PRDM4: variants seen among roughly 807,000 people sequenced by gnomAD.
The protein encoded by PRDM4 is PR domain zinc finger protein 4.
A neutral mutation model predicts 62.3 loss-of-function variants in PRDM4; 38 were observed. That is an observed-to-expected ratio of 0.61 (90% confidence interval 0.47 to 0.80). PRDM4 has a LOEUF of 0.80. Among genes scored for constraint, PRDM4 ranks in the 30% least tolerant of loss-of-function variants. The pLI, the probability that PRDM4 is intolerant of heterozygous loss-of-function variation, is 0.00. For missense variants in PRDM4, 858 were observed against 997.1 expected (o/e 0.86, Z 1.88); for synonymous variants, 339 against 348.2 (o/e 0.97, Z 0.30).
At position 107,748,888 on chromosome 12, in the gene PRDM4, T is replaced by C. The variant is rs180875244; in HGVS notation, c.1127-2464A>G. Among the ~76,000 whole-genome samples the C allele has an allele frequency of 4.4e-3, 668 of 152,236 alleles. 4 individuals carry two copies. The highest frequency in any genetic ancestry group is 6.9e-3 in the Non-Finnish European group (467 of 68,016). On this transcript the variant is annotated intron_variant, in intron 5 of 11. Coordinates refer to ENST00000228437, the MANE Select transcript of PRDM4 (RefSeq NM_012406.4). Reference sequence around the variant, plus strand: ...TCCATTTGCCCTCTTAAGAAAAAAATCAATAAGCTTATTTAGGCCACCTCC... The same window carrying C: ...TCCATTTGCCCTCTTAAGAAAAAAACCAATAAGCTTATTTAGGCCACCTCC...
intron 4 of PRDM4, 40 bp downstream of exon 4, chr12:107,753,884 G>A (rs774309034): frequency 3.3e-5 from 51 of 1,555,496 alleles, no homozygotes; most frequent in South Asian, 9.5e-5. Context: ...AGCTGGCGCC[G>A]TTCTTTTTCT....
Position 107,733,381 on chromosome 12 carries a change from A to G in PRDM4, c.*829T>C, listed in dbSNP as rs995268772. 1 of 134,916 alleles carries G rather than the reference A, an allele frequency of 7.4e-6. No individual in the cohort carries two copies. The highest frequency in any genetic ancestry group is 1.8e-5 in the Non-Finnish European group (1 of 56,326). The allele number at this position is 134,916 out of a possible 1,614,324, so 8.4% of individuals were successfully genotyped here. A position where few individuals can be genotyped will look rare whatever the true frequency, so the allele number is the denominator to read the frequency against. ...ACATGTACTCATCAGGAGACAATCC[A>G]GCAGGCATTATTTGGGCTCTCTGTA... On this transcript the variant is annotated 3_prime_UTR_variant, in exon 12 of 12. Coordinates refer to ENST00000228437, the MANE Select transcript of PRDM4 (RefSeq NM_012406.4).
intron 7 of PRDM4, among the ~76,000 whole-genome samples, chr12:107,743,865 G>A (rs900709548): frequency 7.2e-5 from 11 of 152,172 alleles, no homozygotes; most frequent in South Asian, 6.2e-4. Flanking sequence ...CTGTAATCCC[G>A]GCACTTTGGG....
chr12:107,743,171 T>C (rs1483999382), intron 8 of PRDM4, 26 bp downstream of exon 8: 1 of 1,545,210 alleles, frequency 6.5e-7, no homozygotes, highest in Non-Finnish European at 8.9e-7. Flanking sequence ...TGGTAACTAT[T>C]TTTTCTCATC....
intron 10 of PRDM4, 143 bp from the exon 11 acceptor site, chr12:107,739,694 CTA>C: frequency 1.4e-6 from 1 of 706,604 alleles, no homozygotes; most frequent in Non-Finnish European, 2.2e-6. Flanking sequence ...CTAGGGTTGT[CTA>C]TGTGAGACCA....
chr12:107,743,315 G>A (rs774675204), intron 7 of PRDM4, 33 bp from the exon 8 acceptor site: 1 of 1,418,774 alleles, frequency 7.0e-7, no homozygotes, highest in Non-Finnish European at 1.0e-6. Flanking sequence ...CATGTCAAAT[G>A]CACTGACATG....
Position 107,751,562 on chromosome 12 carries a change from C to T in PRDM4, c.979G>A (p.Val327Met). Residue 327 changes from valine (V) to methionine (M), a missense_variant, in exon 5 of 12, where the codon GTG (valine) becomes ATG (methionine). Val to Met is a conservative substitution (Grantham distance 21, BLOSUM62 1). Coordinates refer to ENST00000228437, the MANE Select transcript of PRDM4 (RefSeq NM_012406.4). Reference sequence around the variant, plus strand: ...TCCTGGGTGATGGAGGAGACAGCCACAGGTTCTAGGCTGAGGCCAACTTCA... The same window carrying T: ...TCCTGGGTGATGGAGGAGACAGCCATAGGTTCTAGGCTGAGGCCAACTTCA... ...LHEVGLSLEP[V>M]AVSSITQEVA... 6.2e-7 allele frequency: 1 copy of T among 1,613,102 alleles called. No homozygotes were observed. Among genetic ancestry groups the T allele is most frequent in the South Asian group, 1.1e-5 (1 of 91,064 alleles).
intron 5 of PRDM4, among the ~76,000 whole-genome samples, chr12:107,749,345 CAT>C (rs988710785): frequency 2.0e-5 from 3 of 151,490 alleles, no homozygotes; most frequent in African/African-American, 7.3e-5. Flanking sequence ...AAATCAAAAT[CAT>C]ATCCTCCTCT....
rs551417747 is a variant in PRDM4 at position 107,745,720 on chromosome 12, T to C, written c.1276+555A>G. On this transcript the variant is annotated intron_variant, in intron 6 of 11. Transcript: ENST00000228437. ...TATTTTACCTAAACTGTTTGATGCTTTGAAATGACTCACACCCAAACTGCA... is the reference window on the plus strand; with the variant it reads ...TATTTTACCTAAACTGTTTGATGCTCTGAAATGACTCACACCCAAACTGCA... 7.9e-5 allele frequency among the ~76,000 whole-genome samples: 12 copies of C among 152,352 alleles called. No individual in the cohort carries two copies. The South Asian group carries it at 1.7e-3, about 21-fold the overall frequency.
intron 11 of PRDM4, 176 bp downstream of exon 11, chr12:107,739,207 C>CA (rs1200932242): frequency 2.3e-5 from 13 of 572,248 alleles, no homozygotes; most frequent in African/African-American, 1.1e-4. Flanking sequence ...AGGATAACAC[C>CA]AAAAAAAGTG....
At chr12:107,735,062 G>A (rs1164443605) in intron 11 of PRDM4, among the ~76,000 whole-genome samples, 3 of 152,120 alleles carry the variant, frequency 2.0e-5, no homozygotes, top group Non-Finnish European at 4.4e-5. Flanking sequence ...ATTCACAGGT[G>A]TGATCATCAT....
chr12:107,760,466 A>C, intron 2 of PRDM4, 39 bp downstream of exon 2: 1 of 1,611,806 alleles, frequency 6.2e-7, no homozygotes, highest in Non-Finnish European at 8.5e-7. Flanking sequence ...CAGAGTTTCC[A>C]ACGATGTCAC....
chr12:107,734,223 G>A lies in PRDM4; in HGVS notation c.2393C>T (p.Ser798Phe), dbSNP rs1890254734. The change falls in exon 12 of 12, where the codon TCT becomes TTT. Residue 798 changes from serine (S) to phenylalanine (F), a missense_variant. Ser to Phe is a radical substitution (Grantham distance 155). Around this residue, in one of 3 missense-constraint regions of PRDM4, gnomAD observed 355 missense variants for 432.6 expected, o/e 0.82. Transcript: ENST00000228437. ...SAVYSADESLSAHK is the reference protein window; with the variant it reads ...SAVYSADESLFAHK ...TTTCTTTTCCTTTTATTTATGTGCA[G>A]AAAGAGACTCATCCGCTGAATACAC... The A allele has an allele frequency of 1.3e-6, 2 of 1,595,928 alleles. No individual in the cohort carries two copies. The highest frequency in any genetic ancestry group is 1.7e-6 in the Non-Finnish European group (2 of 1,172,014).
chr12:107,744,725 G>A, intron 6 of PRDM4, 64 bp from the exon 7 acceptor site: 1 of 1,587,810 alleles, frequency 6.3e-7, no homozygotes, highest in East Asian at 2.3e-5. Context: ...AGAAGAAAGA[G>A]GTGCTTCACC....
Position 107,760,516 on chromosome 12 carries a change from C to A in PRDM4, c.-1G>T, listed in dbSNP as rs766097957. 1 of 1,613,428 alleles carries A rather than the reference C, an allele frequency of 6.2e-7. No individual in the cohort carries two copies. Among genetic ancestry groups the A allele is most frequent in the East Asian group, 2.2e-5 (1 of 44,804 alleles). On this transcript the variant is annotated 5_prime_UTR_variant, in exon 2 of 12. Transcript: ENST00000228437. The stretch of plus-strand genomic sequence containing the variant: ...ACCTCCCTACTCACCTGTGATGCAT[C>A]GGCTTGGGGCCAAATATCAGAGAAA...
intron 11 of PRDM4, among the ~76,000 whole-genome samples, chr12:107,735,316 A>G (rs1890293740): frequency 1.3e-5 from 2 of 152,240 alleles, no homozygotes; most frequent in Non-Finnish European, 2.9e-5. Context: ...GTTTCAATAT[A>G]CACATCCATC....
chr12:107,743,864 C>T (rs1235152514), intron 7 of PRDM4, among the ~76,000 whole-genome samples: 3 of 152,136 alleles, frequency 2.0e-5, no homozygotes, highest in South Asian at 2.1e-4. Flanking sequence ...CCTGTAATCC[C>T]GGCACTTTGG....
At chr12:107,736,296 C>G (rs1432065644) in intron 11 of PRDM4, among the ~76,000 whole-genome samples, 1 of 152,096 alleles carries the variant, frequency 6.6e-6, no homozygotes, top group African/African-American at 2.4e-5. Flanking sequence ...ACACACGAAG[C>G]CAGGTAAAAG....
chr12:107,747,457 A>C (rs1358292313), intron 5 of PRDM4, among the ~76,000 whole-genome samples: 1 of 152,108 alleles, frequency 6.6e-6, no homozygotes, highest in Non-Finnish European at 1.5e-5. Context: ...TTAAGACAAA[A>C]ACAATTTGCA....
Sources: allele counts gnomAD v4.1 joint callset (sites outside exome capture counted in the v4.1 genomes callset), GRCh38; gene constraint gnomAD v4.1.1; regional missense constraint gnomAD v4.1.1; transcripts MANE v1.5; gene names NCBI Gene and HGNC (gene_info 2026-07-23, HGNC 2026-07-21).